ASAP3: variants seen among roughly 807,000 people sequenced by gnomAD.
The protein encoded by ASAP3 is arf-GAP with SH3 domain, ANK repeat and PH domain-containing protein 3.
In ASAP3, 85 loss-of-function variants were observed where a neutral mutation model predicts 118.2. That is an observed-to-expected ratio of 0.72 (90% CI 0.60 to 0.86). The LOEUF is 0.86. Ranked by LOEUF, ASAP3 falls within the 40% of genes least tolerant of loss-of-function variation. The probability of loss-of-function intolerance (pLI) is 0.00; values close to 1 mark genes in which losing one functional copy is unlikely to be tolerated. For synonymous variants in ASAP3, 432 were observed against 477.4 expected, an observed-to-expected ratio of 0.90 and a Z score of 1.24; for missense variants, 1,026 against 1,175.0, an observed-to-expected ratio of 0.87 and a Z score of 1.85.
rs1355050003 is a variant in ASAP3 at position 23,436,112 on chromosome 1, TC to T, written c.1572-85del. 2 of 1,451,358 alleles carry T rather than the reference TC, an allele frequency of 1.4e-6. No homozygotes were observed. The highest frequency in any genetic ancestry group is 2.3e-5 in the East Asian group (1 of 43,878). The allele number at this position is 1,451,358 out of a possible 1,614,324, so 89.9% of individuals were successfully genotyped here. On this transcript the variant is annotated intron_variant, in intron 16 of 24. Coordinates refer to ENST00000336689, the MANE Select transcript of ASAP3 (RefSeq NM_017707.4). The surrounding 1 kb of genome is among the most constrained non-coding windows in gnomAD (Gnocchi z 4.2). ...GGGGCCCTCCCACAGGAGATACAGC[TC>T]TCTTTTTCTCCAGAACCATGTCCTG...
chr1:23,474,448 G>A (rs1642060632), intron 1 of ASAP3, among the ~76,000 whole-genome samples: 1 of 152,062 alleles, frequency 6.6e-6, no homozygotes, highest in African/African-American at 2.4e-5. Context: ...CCCACTGACA[G>A]CCCGTTCTTG....
In ASAP3 at chr1:23,437,981, A is replaced by C. The variant is rs1463630302; in HGVS notation, c.1103-509T>G. ...TCTCTATTGCCAGGAAATAAGGTCC[A>C]AACTTTTAAGAGGGATTTCCAGGCC... On this transcript the variant is annotated intron_variant, in intron 12 of 24. Transcript: ENST00000336689. This position sits in a 1 kb window ranked among gnomAD's most constrained non-coding sequence, Gnocchi z 6.1. Among the ~76,000 whole-genome samples the C allele has an allele frequency of 6.6e-6, 1 of 152,130 alleles. No homozygotes were observed. The highest frequency in any genetic ancestry group is 1.5e-5 in the Non-Finnish European group (1 of 68,032).
intron 1 of ASAP3, among the ~76,000 whole-genome samples, chr1:23,467,317 C>T (rs1641807326): frequency 2.0e-5 from 3 of 152,138 alleles, no homozygotes; most frequent in African/African-American, 4.8e-5. Flanking sequence ...ATTCTCCTGC[C>T]TCAGCCTCCC....
chr1:23,433,644 G>T lies in ASAP3; in HGVS notation c.2001C>A (p.His667Gln). The change falls in exon 20 of 25, where the codon CAC becomes CAA. Residue 667 changes from histidine (H) to glutamine (Q), a missense_variant. Physicochemically the swap from His to Gln is conservative, Grantham distance 24. Coordinates refer to ENST00000336689, the MANE Select transcript of ASAP3 (RefSeq NM_017707.4). ...TCCTCACCAGCTCCTCACACTCCTT[G>T]TGGTGCTTCTTCCTGGCTATGTCCA... ...TALDIARKKHHKECEELLEQA... is the reference protein window; with the variant it reads ...TALDIARKKHQKECEELLEQA... The T allele has an allele frequency of 6.2e-7, 1 of 1,614,242 alleles. No individual in the cohort carries two copies. The highest frequency in any genetic ancestry group is 8.5e-7 in the Non-Finnish European group (1 of 1,180,044).
Position 23,483,995 on chromosome 1 carries a change from G to A in ASAP3, c.129+10C>T, listed in dbSNP as rs1558202582. 1 of 1,282,406 alleles carries A rather than the reference G, an allele frequency of 7.8e-7. No individual in the cohort carries two copies. The highest frequency in any genetic ancestry group is 9.8e-7 in the Non-Finnish European group (1 of 1,015,764). The allele number at this position is 1,282,406 out of a possible 1,614,324, so 79.4% of individuals were successfully genotyped here. ...CCGACCCCCGACCCCTCCCGCCTCG[G>A]CCCCCTCACCTCCTCCCGCGCCAGC... On this transcript the variant is annotated intron_variant, in intron 1 of 24. Coordinates refer to ENST00000336689, the MANE Select transcript of ASAP3 (RefSeq NM_017707.4).
At chr1:23,484,183 C>T (rs1256486569), upstream of ASAP3, 8 of 1,221,310 alleles carry the variant, frequency 6.6e-6, no homozygotes, top group African/African-American at 1.6e-5. Context: ...GGGCACTGAG[C>T]TGCTCCGCGC....
At position 23,484,084 on chromosome 1, in the gene ASAP3, T is replaced by C; in HGVS notation, c.50A>G (p.Asp17Gly). The C allele has an allele frequency of 7.4e-7, 1 of 1,345,390 alleles. No homozygotes were observed. The highest frequency in any genetic ancestry group is 9.5e-7 in the Non-Finnish European group (1 of 1,050,372). 83.3% of individuals were successfully genotyped at this position (1,345,390 alleles called of 1,614,324 possible). ...GGCGGCCCCAGCCGGGGAGCTGAGG[T>C]CCTCCGCGGTGACGGCCAGGAACTC... ...VAEFLAVTAE[D>G]LSSPAGAAAF... is the part of the protein sequence containing the mutation. The change falls in exon 1 of 25, where the codon GAC (aspartate) becomes GGC (glycine). Residue 17 changes from aspartate to glycine, a missense_variant. Transcript: ENST00000336689.
Position 23,434,521 on chromosome 1 carries a change from G to A in ASAP3, c.1835+12C>T. ...TGTGAGGAGCCAGACAGACAGGCAG[G>A]GAGGCTCTCACCCGTTCTGGATGAT... On this transcript the variant is annotated intron_variant, in intron 18 of 24. Transcript: ENST00000336689. 1.2e-6 allele frequency: 2 copies of A among 1,613,984 alleles called. No homozygotes were observed. The highest frequency in any genetic ancestry group is 1.7e-6 in the Non-Finnish European group (2 of 1,179,948).
At chr1:23,475,002 A>G (rs568461210) in intron 1 of ASAP3, among the ~76,000 whole-genome samples, 1 of 152,234 alleles carries the variant, frequency 6.6e-6, no homozygotes, top group Non-Finnish European at 1.5e-5. Flanking sequence ...ACAAGCTGGC[A>G]AACTTGCTGT....
At chr1:23,474,307 C>T (rs1393109414) in intron 1 of ASAP3, among the ~76,000 whole-genome samples, 1 of 152,092 alleles carries the variant, frequency 6.6e-6, no homozygotes, top group Non-Finnish European at 1.5e-5. Flanking sequence ...AAGCCAGAGG[C>T]TGTGTCTCTG....
intron 17 of ASAP3, among the ~76,000 whole-genome samples, chr1:23,434,842 T>C (rs2148605653): frequency 6.6e-6 from 1 of 152,286 alleles, no homozygotes; most frequent in Non-Finnish European, 1.5e-5. Context: ...CCCCAACAAG[T>C]GTTTCCCAAA....
At chr1:23,458,015 T>G (rs1418430527) in intron 1 of ASAP3, among the ~76,000 whole-genome samples, 1 of 152,174 alleles carries the variant, frequency 6.6e-6, no homozygotes, top group African/African-American at 2.4e-5. Context: ...GCTAGGAAGG[T>G]CTGCCAAGTT....
intron 5 of ASAP3, 72 bp from the exon 6 acceptor site, chr1:23,442,684 G>A (rs374463340): frequency 1.9e-6 from 3 of 1,555,128 alleles, no homozygotes; most frequent in East Asian, 2.4e-5. Context: ...AAGGATGCAT[G>A]AGCAAAGGGG....
intron 5 of ASAP3, among the ~76,000 whole-genome samples, chr1:23,449,417 C>T (rs1446025179): frequency 1.3e-5 from 2 of 152,162 alleles, no homozygotes; most frequent in Non-Finnish European, 2.9e-5. Flanking sequence ...AGCAGCCCCA[C>T]GTGGAGAGGT....
rs180830647 is a variant in ASAP3, at chr1:23,442,403, T to C, written c.585+98A>G. 76 of 1,590,984 alleles carry C rather than the reference T, an allele frequency of 4.8e-5. No homozygotes were observed. In the African/African-American group the frequency reaches 8.6e-4, roughly 18 times the overall value. On this transcript the variant is annotated intron_variant, in intron 6 of 24. Coordinates refer to ENST00000336689, the MANE Select transcript of ASAP3 (RefSeq NM_017707.4). ...CTTGGTGACATCCCACAGGGCCATG[T>C]GGCCAGGACCTGAGCTGAGGCTGTG... is the stretch of plus-strand genomic sequence containing the variant.
intron 10 of ASAP3, among the ~76,000 whole-genome samples, chr1:23,440,113 G>C (rs1286361539): frequency 2.0e-5 from 3 of 149,744 alleles, no homozygotes; most frequent in African/African-American, 7.4e-5. Context: ...ACTGCACCTG[G>C]CCCACAGACT....
rs370684439 is a variant in ASAP3 at position 23,434,383 on chromosome 1, G to A, written c.1836-14C>T. 336 of 1,613,702 alleles carry A rather than the reference G, an allele frequency of 2.1e-4. 5 individuals are homozygous for A. The South Asian group carries it at 2.4e-3, about 11-fold the overall frequency. ...TCCAGGTGACCACTGGGGAGAGGAG[G>A]GTTCAGGGAGAAAGGAAGGGGAACA... On this transcript the variant is annotated splice_polypyrimidine_tract_variant and intron_variant, in intron 18 of 24. Transcript: ENST00000336689.
intron 24 of ASAP3, 142 bp downstream of exon 24, chr1:23,430,893 G>T (rs1431860621): frequency 6.3e-6 from 5 of 799,746 alleles, no homozygotes; most frequent in African/African-American, 1.8e-5. Flanking sequence ...CCAGGACAGG[G>T]ACTGTCCAAA....
At chr1:23,456,242 G>A (rs201858145) in intron 1 of ASAP3, 48 bp from the exon 2 acceptor site, 230 of 1,575,424 alleles carry the variant, frequency 1.5e-4, no homozygotes, top group African/African-American at 4.0e-4. Flanking sequence ...GCTGGAATAG[G>A]GTGCTTCCTT....
Sources: gnomAD v4.1 joint callset for allele counts (sites outside exome capture counted in the v4.1 genomes callset) on GRCh38, gnomAD v4.1.1 for gene constraint, Gnocchi (gnomAD v3.1) non-coding constraint, MANE v1.5 for transcripts, NCBI Gene and HGNC (gene_info 2026-07-23, HGNC 2026-07-21) for gene names.